The following ABL2 variants were observed in gnomAD, a reference collection of about 807,000 sequenced individuals.
ABL2 encodes the protein ABL proto-oncogene 2, non-receptor tyrosine kinase.
In ABL2, 49 loss-of-function variants were observed where a neutral mutation model predicts 107.7. That is an observed-to-expected ratio of 0.45 (90% CI 0.36 to 0.58). The LOEUF (loss-of-function observed/expected upper bound fraction) is 0.58, where lower values mean the gene tolerates loss of function less well. ABL2 is among the 20% of genes least tolerant of loss of function. ABL2 has a pLI of 0.00. For synonymous variants in ABL2, 549 were observed against 548.6 expected, an observed-to-expected ratio of 1.00 and a Z score of -0.01; for missense variants, 1,245 against 1,457.0, an observed-to-expected ratio of 0.85 and a Z score of 2.37.
At chr1:179,206,945 T>C (rs1260007775) in intron 1 of ABL2, among the ~76,000 whole-genome samples, 1 of 152,074 alleles carries the variant, frequency 6.6e-6, no homozygotes, top group Non-Finnish European at 1.5e-5. Flanking sequence ...ACTGAACAGA[T>C]GTACAGAGCG....
At chr1:179,184,452 A>G in intron 1 of ABL2, 1 of 976,490 alleles carries the variant, frequency 1.0e-6, no homozygotes. Flanking sequence ...TATCTGGTTT[A>G]CTGACCATTC....
Position 179,108,455 on chromosome 1 carries a change from T to G in ABL2, c.2812A>C (p.Thr938Pro), listed in dbSNP as rs764940830. 48 of 1,613,894 alleles carry G rather than the reference T, an allele frequency of 3.0e-5. No homozygotes were observed. Among genetic ancestry groups the G allele is most frequent in the Non-Finnish European group, 4.1e-5 (48 of 1,179,994 alleles). ...ACGTCAGCTGGAGTGTGTTTCAGAGTGGGTGAGATAAGGACTGGCACTTTG... is the reference window on the plus strand; with the variant it reads ...ACGTCAGCTGGAGTGTGTTTCAGAGGGGGTGAGATAAGGACTGGCACTTTG... ...NHKVPVLISP[T>P]LKHTPADVQL... The change falls in exon 12 of 12, where the codon ACT (threonine) becomes CCT (proline). Residue 938 changes from threonine (T) to proline (P), a missense_variant. By Grantham distance (38) the Thr-to-Pro change is conservative. Around this residue, in one of 3 missense-constraint regions of ABL2, gnomAD observed 761 missense variants for 766.4 expected, o/e 0.99. Coordinates refer to ENST00000502732, the MANE Select transcript of ABL2 (RefSeq NM_007314.4).
chr1:179,118,890 C>T, intron 6 of ABL2, 126 bp from the exon 7 acceptor site: 1 of 987,358 alleles, frequency 1.0e-6, no homozygotes, highest in Non-Finnish European at 1.5e-6. Context: ...CTTCTTACCA[C>T]CACGTTCTCT....
chr1:179,165,671 T>TTTCTGGA (rs1659333906), intron 1 of ABL2, among the ~76,000 whole-genome samples: 1 of 152,060 alleles, frequency 6.6e-6, no homozygotes, highest in Non-Finnish European at 1.5e-5. Flanking sequence ...TACTTTTACT[T>TTTCTGGA]TTCTGGATTA....
intron 10 of ABL2, 141 bp from the exon 11 acceptor site, chr1:179,110,596 T>C (rs1653958429): frequency 2.6e-5 from 39 of 1,499,554 alleles, no homozygotes; most frequent in Non-Finnish European, 3.5e-5. Context: ...AAGTATGTAC[T>C]CTTTTGTCTG....
At chr1:179,122,914 T>C (rs1234802507) in intron 4 of ABL2, among the ~76,000 whole-genome samples, 1 of 152,018 alleles carries the variant, frequency 6.6e-6, no homozygotes, top group Non-Finnish European at 1.5e-5. Context: ...CCTGCCTCAG[T>C]CTCCCAAATT....
intron 1 of ABL2, among the ~76,000 whole-genome samples, chr1:179,206,245 A>C (rs1001722031): frequency 1.3e-5 from 2 of 152,204 alleles, no homozygotes; most frequent in Non-Finnish European, 1.5e-5. Context: ...AAAGTGCAGA[A>C]ATAGAATCAA....
intron 1 of ABL2, among the ~76,000 whole-genome samples, chr1:179,136,824 G>A (rs974875539): frequency 2.6e-5 from 4 of 151,212 alleles, no homozygotes; most frequent in Non-Finnish European, 2.9e-5. Context: ...GCTGAGGCAC[G>A]AGAATTGCTT....
At chr1:179,121,915 ATTTTTTTTT>A (rs71108094) in intron 4 of ABL2, 48 bp from the exon 5 acceptor site, 664 of 693,264 alleles carry the variant, frequency 9.6e-4, no homozygotes, top group Middle Eastern at 1.5e-3. Context: ...GAGATTAAGA[ATTTTTTTTT>A]TTTTTTTTTT....
At chr1:179,166,133 G>C (rs1461996312) in intron 1 of ABL2, among the ~76,000 whole-genome samples, 1 of 152,042 alleles carries the variant, frequency 6.6e-6, no homozygotes, top group African/African-American at 2.4e-5. Context: ...CCTGACGCTA[G>C]AAAACAACTA....
At position 179,108,900 on chromosome 1, in the gene ABL2, T is replaced by C. The variant is rs1653753233; in HGVS notation, c.2367A>G (p.Ser789=). Residue 789 remains serine, a synonymous_variant, in exon 12 of 12, where the codon TCA becomes TCG. Transcript: ENST00000502732. The part of the protein sequence containing the change: ...PRSNSTSSMS[S]GLPEQDRMAM... ...CCATCCTATCCTGCTCTGGAAGCCC[T>C]GAGGACATGGAAGATGTAGAGTTTG... 1 of 1,614,060 alleles carries C rather than the reference T, an allele frequency of 6.2e-7. No homozygotes were observed. The highest frequency in any genetic ancestry group is 1.3e-5 in the African/African-American group (1 of 74,926).
At chr1:179,211,192 A>C (rs1662251916) in intron 1 of ABL2, among the ~76,000 whole-genome samples, 1 of 152,188 alleles carries the variant, frequency 6.6e-6, no homozygotes, top group East Asian at 1.9e-4. Context: ...TGATGAAGAT[A>C]GGATTTCATA....
intron 1 of ABL2, among the ~76,000 whole-genome samples, chr1:179,222,417 T>C (rs1176807522): frequency 6.6e-6 from 1 of 150,810 alleles, no homozygotes; most frequent in African/African-American, 2.4e-5. Flanking sequence ...TGAGACAGGG[T>C]TTTGCTCCTG....
chr1:179,111,280 TC>T (rs1654050729), intron 10 of ABL2, among the ~76,000 whole-genome samples: 2 of 114,734 alleles, frequency 1.7e-5, no homozygotes, highest in South Asian at 2.9e-4. Context: ...CAGTGCTCAG[TC>T]TTTTTTTTTT....
chr1:179,174,830 G>A (rs939469449), intron 1 of ABL2, among the ~76,000 whole-genome samples: 2 of 149,222 alleles, frequency 1.3e-5, no homozygotes, highest in East Asian at 3.9e-4. Context: ...GGGAGGTGGA[G>A]GTTGCAGTGA....
At chr1:179,158,658 A>G (rs560976585) in intron 1 of ABL2, among the ~76,000 whole-genome samples, 1 of 152,342 alleles carries the variant, frequency 6.6e-6, no homozygotes, top group South Asian at 2.1e-4. Context: ...TTAAGAAAAC[A>G]TAAAGCCAGA....
chr1:179,197,373 A>T (rs1401411559), intron 1 of ABL2, among the ~76,000 whole-genome samples: 5 of 152,130 alleles, frequency 3.3e-5, no homozygotes, highest in Non-Finnish European at 7.3e-5. Flanking sequence ...AAAAATATAT[A>T]TTGAAAAAGC....
At chr1:179,118,491 C>A in intron 7 of ABL2, 96 bp downstream of exon 7, 1 of 1,263,462 alleles carries the variant, frequency 7.9e-7, no homozygotes. Flanking sequence ...TTTCTTGAAT[C>A]ATCTGAAATT....
At position 179,156,882 on chromosome 1, in the gene ABL2, AAAATAAATAAATAAATAAAT is replaced by A. The variant is rs143172971; in HGVS notation, c.158-23528_158-23509del. 6.3e-3 allele frequency among the ~76,000 whole-genome samples: 897 copies of A among 142,200 alleles called. 11 individuals are homozygous for A. Among genetic ancestry groups the A allele is most frequent in the African/African-American group, 0.021 (807 of 38,162 alleles). 93.3% of individuals were successfully genotyped at this position (142,200 alleles called of 152,430 possible). On this transcript the variant is annotated intron_variant, in intron 1 of 11. Transcript: ENST00000502732. Reference sequence around the variant, plus strand: ...AACAGAGTGAGTGAGAGTCTGTCTCAAAATAAATAAATAAATAAATAAATAAATAAATAAATAAATAAATA... The same window carrying A: ...AACAGAGTGAGTGAGAGTCTGTCTCAAAATAAATAAATAAATAAATAAATA...
Sources: gnomAD v4.1 joint callset for allele counts (sites outside exome capture counted in the v4.1 genomes callset) on GRCh38, gnomAD v4.1.1 for gene constraint, gnomAD v4.1.1 regional missense constraint, MANE v1.5 for transcripts, NCBI Gene and HGNC (gene_info 2026-07-23, HGNC 2026-07-21) for gene names.